GRIP1: variants seen among roughly 807,000 people sequenced by gnomAD.
GRIP1 encodes glutamate receptor-interacting protein 1.
In GRIP1, 45 loss-of-function variants were observed where a neutral mutation model predicts 129.9. That is an observed-to-expected ratio of 0.35 (90% confidence interval 0.27 to 0.44). The LOEUF (loss-of-function observed/expected upper bound fraction) is 0.44, where lower values mean the gene tolerates loss of function less well. GRIP1 is among the 20% of genes least tolerant of loss of function. The pLI, the probability that GRIP1 is intolerant of heterozygous loss-of-function variation, is 1.00. For synonymous variants in GRIP1, 530 were observed against 520.8 expected (o/e 1.02, Z -0.24); for missense variants, 1,196 against 1,396.8 (o/e 0.86, Z 2.29).
intron 1 of GRIP1, among the ~76,000 whole-genome samples, chr12:66,988,261 G>A (rs1293123984): frequency 6.6e-6 from 1 of 152,200 alleles, no homozygotes; most frequent in African/African-American, 2.4e-5. Context: ...CGGCCTGGGT[G>A]ATGGGAGTGA....
At chr12:66,530,240 A>G (rs1047783152) in intron 4 of GRIP1, among the ~76,000 whole-genome samples, 37 of 152,354 alleles carry the variant, frequency 2.4e-4, no homozygotes, top group African/African-American at 7.9e-4. Flanking sequence ...ATATTTATAT[A>G]AGTAGAATTG....
At chr12:67,051,939 A>C (rs1003410732) in intron 1 of GRIP1, among the ~76,000 whole-genome samples, 11 of 152,194 alleles carry the variant, frequency 7.2e-5, no homozygotes, top group Non-Finnish European at 4.4e-5. Flanking sequence ...ACATTGCACA[A>C]AGCTATTCAT....
chr12:66,652,707 A>G (rs2032888269), intron 1 of GRIP1, among the ~76,000 whole-genome samples: 1 of 152,220 alleles, frequency 6.6e-6, no homozygotes, highest in Admixed American at 6.5e-5. Flanking sequence ...TGCTGATCTG[A>G]GTGGCCATGT....
At chr12:66,383,560 C>T (rs1565685401) in intron 19 of GRIP1, among the ~76,000 whole-genome samples, 1 of 152,184 alleles carries the variant, frequency 6.6e-6, no homozygotes, top group Non-Finnish European at 1.5e-5. Flanking sequence ...GGGCATGTCA[C>T]TCAGCCCATT....
chr12:67,005,573 G>GTATCA (rs61411038), intron 1 of GRIP1, among the ~76,000 whole-genome samples: 1 of 152,310 alleles, frequency 6.6e-6, no homozygotes, highest in East Asian at 1.9e-4. Context: ...AGGACTAGAA[G>GTATCA]TATCAGAGCC....
intron 2 of GRIP1, among the ~76,000 whole-genome samples, chr12:66,591,060 G>T (rs2063832121): frequency 6.6e-6 from 1 of 152,102 alleles, no homozygotes. Context: ...GGAGATAACA[G>T]GTGAACAAGA....
chr12:66,544,551 G>A (rs139994752), intron 2 of GRIP1, among the ~76,000 whole-genome samples: 36 of 152,286 alleles, frequency 2.4e-4, no homozygotes, highest in African/African-American at 8.4e-4. Flanking sequence ...TAGCCAATCT[G>A]CTGTACTTAT....
At chr12:66,570,271 C>A (rs941415476) in intron 2 of GRIP1, among the ~76,000 whole-genome samples, 24 of 152,240 alleles carry the variant, frequency 1.6e-4, no homozygotes, top group African/African-American at 5.8e-4. Context: ...GTGCATGCCA[C>A]CATGCCTGGC....
chr12:66,375,279 G>A (rs555585215), intron 22 of GRIP1, among the ~76,000 whole-genome samples: 12 of 151,988 alleles, frequency 7.9e-5, no homozygotes, highest in East Asian at 3.9e-4. Flanking sequence ...TACATTTTTC[G>A]GTGCTAAAGT....
intron 1 of GRIP1, among the ~76,000 whole-genome samples, chr12:66,646,103 T>C (rs1262218819): frequency 6.6e-6 from 1 of 152,186 alleles, no homozygotes; most frequent in East Asian, 1.9e-4. Flanking sequence ...TTTCAAGAAA[T>C]TCTAAACACA....
chr12:66,855,401 T>C (rs1051591637), intron 1 of GRIP1, among the ~76,000 whole-genome samples: 1 of 151,984 alleles, frequency 6.6e-6, no homozygotes, highest in African/African-American at 2.4e-5. Flanking sequence ...TCCCACTTTA[T>C]AGATGAGAAA....
chr12:66,669,873 A>G (rs1235081236), intron 1 of GRIP1, among the ~76,000 whole-genome samples: 1 of 152,248 alleles, frequency 6.6e-6, no homozygotes, highest in African/African-American at 2.4e-5. Context: ...AGTAATGATT[A>G]GAAAATGATG....
At chr12:66,519,018 C>T (rs1371795537) in intron 5 of GRIP1, among the ~76,000 whole-genome samples, 1 of 150,642 alleles carries the variant, frequency 6.6e-6, no homozygotes, top group East Asian at 1.9e-4. Flanking sequence ...TCTAGTTTGC[C>T]AATATCTGAT....
chr12:66,981,391 G>T (rs1203043773), intron 1 of GRIP1, among the ~76,000 whole-genome samples: 2 of 152,068 alleles, frequency 1.3e-5, no homozygotes, highest in African/African-American at 4.8e-5. Context: ...CAACTTCCTT[G>T]GTTCCTTGCA....
rs79800070 is a variant in GRIP1 at position 66,725,579 on chromosome 12, C to T, written c.-420+78474G>A. On this transcript the variant is annotated intron_variant, in intron 1 of 4. Transcript: ENST00000538373. The stretch of plus-strand genomic sequence containing the variant: ...AATATCTTTTAAAATCATTAAATCA[C>T]GTGTGTGTGTATGTACATGTGAAAA... Among the ~76,000 whole-genome samples the T allele has an allele frequency of 8.9e-3, 1,350 of 152,086 alleles. 9 individuals are homozygous for T. Among genetic ancestry groups the T allele is most frequent in the Middle Eastern group, 0.031 (9 of 294 alleles).
At chr12:66,912,162 T>G (rs534943225) in intron 1 of GRIP1, among the ~76,000 whole-genome samples, 15 of 152,154 alleles carry the variant, frequency 9.9e-5, no homozygotes, top group African/African-American at 3.6e-4. Context: ...AACATAGGAG[T>G]ATTTCTTTTT....
Position 66,631,752 on chromosome 12 carries a change from T to C in GRIP1, c.56-34825A>G, listed in dbSNP as rs78628038. ...ATTACAGCATAGTGGTCCTACCATG[T>C]GAGTCAGTTGATATAGAAATTTCTA... On this transcript the variant is annotated intron_variant, in intron 1 of 24. Coordinates refer to ENST00000359742, the MANE Select transcript of GRIP1 (RefSeq NM_001366722.1). Among the ~76,000 whole-genome samples, 827 of 152,330 alleles carry C rather than the reference T, an allele frequency of 5.4e-3. 6 individuals are homozygous for C. Among genetic ancestry groups the C allele is most frequent in the Non-Finnish European group, 8.5e-3 (580 of 68,024 alleles).
chr12:66,585,246 TC>T (rs2063579895), intron 2 of GRIP1, among the ~76,000 whole-genome samples: 1 of 84,344 alleles, frequency 1.2e-5, no homozygotes, highest in Non-Finnish European at 2.3e-5. Flanking sequence ...ATGCTATCCC[TC>T]CCCCCTCCCC....
In GRIP1 at chr12:66,992,965, T is replaced by A. The variant is rs574935237; in HGVS notation, c.58+76085A>T. Among the ~76,000 whole-genome samples the A allele has an allele frequency of 7.4e-4, 112 of 152,100 alleles. 3 individuals carry two copies. The South Asian group carries it at 0.023, about 31-fold the overall frequency. ...CTGTGTATTCCAAAAATACAAAAAA[T>A]TAGCAGGGTGTGGTGGCATGCACCT... is the stretch of plus-strand genomic sequence containing the variant. On this transcript the variant is annotated intron_variant, in intron 1 of 1. Transcript: ENST00000643019.
Sources: allele counts gnomAD v4.1 joint callset (sites outside exome capture counted in the v4.1 genomes callset), GRCh38; gene constraint gnomAD v4.1.1; transcripts MANE v1.5; gene names NCBI Gene and HGNC (gene_info 2026-07-23, HGNC 2026-07-21).